BEND3: variants seen among roughly 807,000 people sequenced by gnomAD.
BEND3 encodes BEN domain-containing protein 3.
A neutral mutation model predicts 60.1 loss-of-function variants in BEND3; 13 were observed. That is an observed-to-expected ratio of 0.22 (90% CI 0.14 to 0.34). The LOEUF (loss-of-function observed/expected upper bound fraction) is 0.34, where lower values mean the gene tolerates loss of function less well. Ranked by LOEUF, BEND3 falls within the 10% of genes least tolerant of loss-of-function variation. The pLI is 1.00. For synonymous variants in BEND3, 497 were observed against 491.5 expected (o/e 1.01, Z -0.15); for missense variants, 896 against 1,138.1 (o/e 0.79, Z 3.06).
rs1228142721 is a variant in BEND3, at chr6:107,115,337, G to C, written c.-259C>G. ...TGTGTCATTTCCGCACAAGGACACA[G>C]GAGCCCCCGCTGCAGTGGAACCACA... is the stretch of plus-strand genomic sequence containing the variant. On this transcript the variant is annotated 5_prime_UTR_variant, in exon 1 of 4. Transcript: ENST00000369042. 2 of 149,014 alleles carry C rather than the reference G, an allele frequency of 1.3e-5. No individual in the cohort carries two copies. The highest frequency in any genetic ancestry group is 6.7e-5 in the Admixed American group (1 of 15,018). The allele number at this position is 149,014 out of a possible 1,614,324, so 9.2% of individuals were successfully genotyped here. A position where few individuals can be genotyped will look rare whatever the true frequency, so the allele number is the denominator to read the frequency against.
chr6:107,108,172 C>T (rs1384642325), intron 1 of BEND3, among the ~76,000 whole-genome samples: 5 of 152,246 alleles, frequency 3.3e-5, no homozygotes, highest in Non-Finnish European at 7.3e-5. Flanking sequence ...CTTCCTTATT[C>T]AGTCAGAGCA....
chr6:107,098,655 T>C lies in BEND3; in HGVS notation c.136A>G (p.Ser46Gly), dbSNP rs374274440. ...GAGTCCTGCAGGGCAGTGAGGACGCTGTCCACAGAGTGCTTCTCAGAAGTC... is the reference window on the plus strand; with the variant it reads ...GAGTCCTGCAGGGCAGTGAGGACGCCGTCCACAGAGTGCTTCTCAGAAGTC... ...SRTSEKHSVD[S>G]VLTALQDSSK... is the part of the protein sequence containing the mutation. Residue 46 changes from serine (S) to glycine (G), a missense_variant, in exon 3 of 4, where the codon AGC (serine) becomes GGC (glycine). By Grantham distance (56) the Ser-to-Gly change is moderately conservative. Around this residue, in one of 4 missense-constraint regions of BEND3, gnomAD observed 846 missense variants for 1,036.7 expected, o/e 0.82. Transcript: ENST00000369042. 1.1e-4 allele frequency: 184 copies of C among 1,613,974 alleles called. 1 individual carries two copies. The highest frequency in any genetic ancestry group is 1.5e-4 in the Non-Finnish European group (180 of 1,180,034).
At chr6:107,091,549 T>A (rs1221231333) in intron 3 of BEND3, among the ~76,000 whole-genome samples, 3 of 152,154 alleles carry the variant, frequency 2.0e-5, no homozygotes, top group Non-Finnish European at 2.9e-5. Flanking sequence ...ACAAATTTGA[T>A]AACCTAGAGG....
chr6:107,113,291 C>T (rs183042255), intron 1 of BEND3, among the ~76,000 whole-genome samples: 20 of 151,504 alleles, frequency 1.3e-4, no homozygotes, highest in African/African-American at 4.8e-4. Context: ...CAAACATTAG[C>T]AAGGCATGGT....
intron 3 of BEND3, among the ~76,000 whole-genome samples, chr6:107,076,416 G>T (rs1554232781): frequency 1.3e-5 from 2 of 152,178 alleles, no homozygotes; most frequent in Non-Finnish European, 2.9e-5. Context: ...TCAGCCACCA[G>T]CACCCGTAGA....
At chr6:107,111,133 C>A (rs1375898492) in intron 1 of BEND3, among the ~76,000 whole-genome samples, 1 of 152,076 alleles carries the variant, frequency 6.6e-6, no homozygotes, top group Admixed American at 6.6e-5. Flanking sequence ...CCACTGCACT[C>A]CAGGTTGGGT....
intron 1 of BEND3, among the ~76,000 whole-genome samples, chr6:107,109,158 G>A (rs1467796823): frequency 1.3e-5 from 2 of 151,784 alleles, no homozygotes; most frequent in African/African-American, 2.4e-5. Context: ...ATTGGTGGGG[G>A]CGGGGGGCGG....
At chr6:107,095,565 T>C (rs1165531162) in intron 3 of BEND3, among the ~76,000 whole-genome samples, 9 of 152,148 alleles carry the variant, frequency 5.9e-5, no homozygotes, top group Non-Finnish European at 1.3e-4. Context: ...AGCTGAAAAC[T>C]TATGTCCACA....
At chr6:107,071,813 C>T (rs782251290) in intron 3 of BEND3, among the ~76,000 whole-genome samples, 19 of 151,966 alleles carry the variant, frequency 1.3e-4, no homozygotes, top group Non-Finnish European at 2.4e-4. Flanking sequence ...TTCTAGAAAA[C>T]GCAAGCTTGC....
At chr6:107,104,370 T>C (rs1326755691) in intron 1 of BEND3, among the ~76,000 whole-genome samples, 1 of 152,022 alleles carries the variant, frequency 6.6e-6, no homozygotes. Context: ...ACACTTCATC[T>C]TTTTAGTGTT....
intron 1 of BEND3, among the ~76,000 whole-genome samples, chr6:107,108,004 C>G (rs1320159393): frequency 6.6e-6 from 1 of 152,180 alleles, no homozygotes; most frequent in Non-Finnish European, 1.5e-5. Context: ...GGACCCAGCC[C>G]CCTTGGCAGT....
chr6:107,103,651 AG>A (rs1314399653), intron 1 of BEND3, among the ~76,000 whole-genome samples: 19 of 152,124 alleles, frequency 1.2e-4, no homozygotes, highest in African/African-American at 4.6e-4. Context: ...CTAGGAAAAA[AG>A]AAAAAGAAAA....
At chr6:107,074,613 T>G (rs1775061882) in intron 3 of BEND3, among the ~76,000 whole-genome samples, 1 of 152,152 alleles carries the variant, frequency 6.6e-6, no homozygotes, top group African/African-American at 2.4e-5. Context: ...GAGGTCTGTT[T>G]GTCCTAAAGG....
At chr6:107,098,289 C>T (rs1194762501) in intron 3 of BEND3, among the ~76,000 whole-genome samples, 3 of 152,212 alleles carry the variant, frequency 2.0e-5, no homozygotes, top group Admixed American at 1.3e-4. Context: ...TGCTTTCCCC[C>T]ACAAAGCACA....
chr6:107,087,792 C>CTTT (rs34765639), intron 3 of BEND3, among the ~76,000 whole-genome samples: 13 of 92,396 alleles, frequency 1.4e-4, no homozygotes, highest in Non-Finnish European at 2.2e-4. Context: ...AATGAAAATA[C>CTTT]TTTTTTTTTT....
rs528486514 is a variant in BEND3, at chr6:107,069,255, G to A, written c.1936C>T (p.Arg646Trp). Reference sequence around the variant, plus strand: ...TAGGAGCGCCTTTGCTCCGTGTCCCGGCGCCGGCAGCGCTCATCCAGTTTG... The same window carrying A: ...TAGGAGCGCCTTTGCTCCGTGTCCCAGCGCCGGCAGCGCTCATCCAGTTTG... ...VGKLDERCRR[R>W]DTEQRRSYQQ... The change falls in exon 4 of 4, where the codon CGG becomes TGG. Residue 646 changes from arginine to tryptophan, a missense_variant. Coordinates refer to ENST00000369042, the MANE Select transcript of BEND3 (RefSeq NM_001367314.1). 6 of 1,611,416 alleles carry A rather than the reference G, an allele frequency of 3.7e-6. No homozygotes were observed. Among genetic ancestry groups the A allele is most frequent in the African/African-American group, 1.3e-5 (1 of 74,998 alleles).
At chr6:107,088,335 A>G (rs1208758934) in intron 3 of BEND3, among the ~76,000 whole-genome samples, 1 of 152,218 alleles carries the variant, frequency 6.6e-6, no homozygotes. Context: ...CTGTGGGATA[A>G]CTACAAAAGG....
At chr6:107,104,965 C>G (rs782182832) in intron 1 of BEND3, among the ~76,000 whole-genome samples, 1 of 152,136 alleles carries the variant, frequency 6.6e-6, no homozygotes, top group Non-Finnish European at 1.5e-5. Flanking sequence ...GTGTCCAGCT[C>G]CAGCTTCTGG....
chr6:107,102,984 AAT>A (rs1775732457), intron 1 of BEND3, among the ~76,000 whole-genome samples: 1 of 152,314 alleles, frequency 6.6e-6, no homozygotes, highest in African/African-American at 2.4e-5. Flanking sequence ...GGGAGGAAAT[AAT>A]AGAGTCTTCA....
Sources: allele counts gnomAD v4.1 joint callset (sites outside exome capture counted in the v4.1 genomes callset), GRCh38; gene constraint gnomAD v4.1.1; regional missense constraint gnomAD v4.1.1; transcripts MANE v1.5; gene names NCBI Gene and HGNC (gene_info 2026-07-23, HGNC 2026-07-21).